DCAF1: variants seen among roughly 807,000 people sequenced by gnomAD.
The protein encoded by DCAF1 is DDB1 and CUL4 associated factor 1.
In DCAF1, 15 loss-of-function variants were observed where a neutral mutation model predicts 128.0. That is an observed-to-expected ratio of 0.12 (90% CI 0.08 to 0.18). DCAF1 has a LOEUF of 0.18. Among genes scored for constraint, DCAF1 ranks in the 10% least tolerant of loss-of-function variants. DCAF1 has a pLI of 1.00. For missense variants in DCAF1, 988 were observed against 1,649.5 expected (o/e 0.60, Z 6.95); for synonymous variants, 610 against 603.0 (o/e 1.01, Z -0.17).
At chr3:51,422,110 T>C (rs1336939761) in intron 14 of DCAF1, among the ~76,000 whole-genome samples, 197 bp downstream of exon 14, 1 of 152,146 alleles carries the variant, frequency 6.6e-6, no homozygotes, top group Admixed American at 6.5e-5. Context: ...ATTTGTATTT[T>C]TGTTTTTTGG....
At chr3:51,449,867 T>C (rs1319891301) in intron 6 of DCAF1, among the ~76,000 whole-genome samples, 10 of 152,244 alleles carry the variant, frequency 6.6e-5, no homozygotes, top group South Asian at 2.1e-4. Flanking sequence ...CCATATACAA[T>C]TGTACAACAA....
chr3:51,446,999 T>TAATAATAATAA (rs370193180), intron 6 of DCAF1, among the ~76,000 whole-genome samples: 1 of 148,138 alleles, frequency 6.8e-6, no homozygotes, highest in Non-Finnish European at 1.5e-5. Context: ...ATAATAATAA[T>TAATAATAATAA]AAAATGTTTT....
intron 6 of DCAF1, among the ~76,000 whole-genome samples, chr3:51,454,277 G>A (rs546119219): frequency 2.2e-4 from 33 of 152,178 alleles, no homozygotes; most frequent in Middle Eastern, 3.4e-3. Flanking sequence ...TTGAACTCCT[G>A]GGCTCAAGCA....
chr3:51,395,876 A>C (rs782188195), downstream of DCAF1: 109 of 413,420 alleles, frequency 2.6e-4, no homozygotes, highest in Non-Finnish European at 3.9e-4. Flanking sequence ...AGACATGTTA[A>C]GCATGTTTAT....
chr3:51,495,570 T>A (rs915369611), intron 2 of DCAF1, among the ~76,000 whole-genome samples: 1 of 151,144 alleles, frequency 6.6e-6, no homozygotes, highest in South Asian at 2.1e-4. Context: ...TAACTAATAA[T>A]AGCAATGTGA....
chr3:51,486,218 G>A (rs1706943115), intron 2 of DCAF1, among the ~76,000 whole-genome samples: 1 of 141,712 alleles, frequency 7.1e-6, no homozygotes, highest in Non-Finnish European at 1.5e-5. Context: ...TTTTTTTAAG[G>A]ATCTCACTCT....
intron 6 of DCAF1, among the ~76,000 whole-genome samples, chr3:51,461,445 C>A (rs1458310762): frequency 1.3e-5 from 2 of 152,126 alleles, no homozygotes; most frequent in African/African-American, 4.8e-5. Flanking sequence ...GAAATAGGAA[C>A]ACTTTTACAC....
At chr3:51,422,255 GA>G in intron 14 of DCAF1, 51 bp downstream of exon 14, 1 of 729,342 alleles carries the variant, frequency 1.4e-6, no homozygotes, top group South Asian at 1.5e-5. Flanking sequence ...GAGTGGCAAA[GA>G]AAAAACAAAT....
At chr3:51,437,037 C>T (rs1319780432) in intron 9 of DCAF1, among the ~76,000 whole-genome samples, 3 of 151,582 alleles carry the variant, frequency 2.0e-5, no homozygotes, top group African/African-American at 7.3e-5. Context: ...CTGAGGCAGG[C>T]GGATCCCTTG....
At chr3:51,453,896 T>C (rs1702605138) in intron 6 of DCAF1, among the ~76,000 whole-genome samples, 1 of 149,874 alleles carries the variant, frequency 6.7e-6, no homozygotes, top group Non-Finnish European at 1.5e-5. Context: ...GAGGTTGCAG[T>C]GGCCCGAGAT....
chr3:51,441,602 G>T lies in DCAF1; in HGVS notation c.809C>A (p.Ala270Glu). The part of the protein sequence containing the change: ...EDGGLKKNKS[A>E]KQGDRENFRK... The stretch of plus-strand genomic sequence containing the variant: ...AAAGTTCTCTCTGTCACCCTGTTTT[G>T]CTGACTTGTTTTTCTTTAATCCTCC... The change falls in exon 8 of 25, where the codon GCA becomes GAA. Residue 270 changes from alanine to glutamate, a missense_variant. This residue lies in a region of DCAF1 where 210 missense variants were observed against 260.2 expected (regional missense o/e 0.81). Coordinates refer to ENST00000684031, the MANE Select transcript of DCAF1 (RefSeq NM_001387579.1). 1 of 1,613,920 alleles carries T rather than the reference G, an allele frequency of 6.2e-7. No homozygotes were observed. The highest frequency in any genetic ancestry group is 8.5e-7 in the Non-Finnish European group (1 of 1,179,870).
At chr3:51,411,181 AGAG>A (rs1698384505) in intron 23 of DCAF1, among the ~76,000 whole-genome samples, 1 of 150,940 alleles carries the variant, frequency 6.6e-6, no homozygotes, top group East Asian at 2.0e-4. Context: ...AAAAAAAAAA[AGAG>A]AGACAAAGCA....
chr3:51,476,174 C>T (rs1705423972), intron 3 of DCAF1, among the ~76,000 whole-genome samples: 1 of 151,892 alleles, frequency 6.6e-6, no homozygotes, highest in South Asian at 2.1e-4. Flanking sequence ...AGGTGGGTCA[C>T]TTGAGGTCAG....
chr3:51,504,087 G>C (rs745442147), upstream of DCAF1, among the ~76,000 whole-genome samples: 2 of 150,592 alleles, frequency 1.3e-5, no homozygotes, highest in Non-Finnish European at 3.0e-5. Context: ...GCCCAGGCTG[G>C]AGTGCAGTGG....
At chr3:51,466,153 G>C (rs1335370671) in intron 5 of DCAF1, among the ~76,000 whole-genome samples, 1 of 152,188 alleles carries the variant, frequency 6.6e-6, no homozygotes, top group African/African-American at 2.4e-5. Flanking sequence ...AGTAAGCCAA[G>C]ATTGTGCCAC....
At chr3:51,444,814 T>C (rs1701690692) in intron 6 of DCAF1, among the ~76,000 whole-genome samples, 1 of 151,972 alleles carries the variant, frequency 6.6e-6, no homozygotes, top group African/African-American at 2.4e-5. Context: ...TAGCTGGGAC[T>C]ACAGGCACCC....
intron 13 of DCAF1, among the ~76,000 whole-genome samples, chr3:51,423,493 C>T (rs1378837337): frequency 1.3e-5 from 2 of 149,498 alleles, no homozygotes; most frequent in South Asian, 2.1e-4. Flanking sequence ...CAGAGAGAGA[C>T]TCTGTCTCCA....
chr3:51,502,209 C>T (rs1283783603), upstream of DCAF1, among the ~76,000 whole-genome samples: 4 of 152,146 alleles, frequency 2.6e-5, no homozygotes, highest in African/African-American at 9.7e-5. Flanking sequence ...CCTGGCACTG[C>T]CTCAGTCTGC....
chr3:51,445,691 T>C (rs782718409), intron 6 of DCAF1, among the ~76,000 whole-genome samples: 1 of 152,168 alleles, frequency 6.6e-6, no homozygotes, highest in Admixed American at 6.5e-5. Flanking sequence ...GGAACAGAAC[T>C]GCTAGGTCAC....
Sources: gnomAD v4.1 joint callset for allele counts (sites outside exome capture counted in the v4.1 genomes callset) on GRCh38, gnomAD v4.1.1 for gene constraint, gnomAD v4.1.1 regional missense constraint, MANE v1.5 for transcripts, NCBI Gene and HGNC (gene_info 2026-07-23, HGNC 2026-07-21) for gene names.